The following ALDH3A1 variants were observed in gnomAD, a reference collection of about 807,000 sequenced individuals.
ALDH3A1 encodes the protein aldehyde dehydrogenase, dimeric NADP-preferring.
Under a neutral mutation model 49.9 loss-of-function variants are expected in ALDH3A1, and 46 were observed. That is an observed-to-expected ratio of 0.92 (90% confidence interval 0.73 to 1.18). The LOEUF (loss-of-function observed/expected upper bound fraction) is 1.18. Ranked by LOEUF, ALDH3A1 falls within the 50% of genes most tolerant of loss-of-function variation. ALDH3A1 has a pLI of 0.00. For missense variants in ALDH3A1, 592 were observed against 611.8 expected (o/e 0.97, Z 0.34); for synonymous variants, 269 against 253.3 (o/e 1.06, Z -0.59).
In ALDH3A1 at chr17:19,746,696, C is replaced by T. The variant is rs117167872; in HGVS notation, c.-5-1562G>A. Among the ~76,000 whole-genome samples the T allele has an allele frequency of 6.1e-3, 847 of 139,434 alleles. 26 individuals are homozygous for T. The East Asian group carries it at 0.1, about 17-fold the overall frequency. 91.5% of individuals were successfully genotyped at this position (139,434 alleles called of 152,430 possible). On this transcript the variant is annotated intron_variant, in intron 1 of 10. Coordinates refer to ENST00000225740, the MANE Select transcript of ALDH3A1 (RefSeq NM_000691.5). ...GTGTGTGCATGTGCGTGTGTGTGTG[C>T]GTGCGTGTGTGTGCATGTGCGTGTG...
chr17:19,743,959 G>A lies in ALDH3A1; in HGVS notation c.163-496C>T, dbSNP rs2086552062. On this transcript the variant is annotated intron_variant, in intron 2 of 10. Transcript: ENST00000225740. The surrounding 1 kb of genome is among the most constrained non-coding windows in gnomAD (Gnocchi z 4.4). ...AGGGCCTCCTGTGGGGAGCAGGGGTGAGAAGAGGAGATGCAGACGGCGGAA... is the reference window on the plus strand; with the variant it reads ...AGGGCCTCCTGTGGGGAGCAGGGGTAAGAAGAGGAGATGCAGACGGCGGAA... The A allele has an allele frequency of 3.0e-6, 3 of 985,234 alleles. No homozygotes were observed. The African/African-American group carries it at 5.2e-5, about 17-fold the overall frequency. 61.0% of individuals were successfully genotyped at this position (985,234 alleles called of 1,614,324 possible).
chr17:19,743,287 G>A lies in ALDH3A1; in HGVS notation c.339C>T (p.Thr113=). Residue 113 remains threonine, a synonymous_variant, in exon 3 of 11, where the codon ACC becomes ACT. Transcript: ENST00000225740. This position sits in a 1 kb window ranked among gnomAD's most constrained non-coding sequence, Gnocchi z 4.4. The part of the protein sequence containing the change: ...EPLGVVLVIG[T]WNYPFNLTIQ... Reference sequence around the variant, plus strand: ...TGGTGAGGTTGAAGGGGTAGTTCCAGGTGCCAATGACGAGGACCACGCCCA... The same window carrying A: ...TGGTGAGGTTGAAGGGGTAGTTCCAAGTGCCAATGACGAGGACCACGCCCA... 1 of 1,614,138 alleles carries A rather than the reference G, an allele frequency of 6.2e-7. No individual in the cohort carries two copies. Among genetic ancestry groups the A allele is most frequent in the Non-Finnish European group, 8.5e-7 (1 of 1,180,028 alleles).
chr17:19,740,211 G>A (rs1232972186), intron 7 of ALDH3A1, 125 bp downstream of exon 7: 2 of 1,363,836 alleles, frequency 1.5e-6, no homozygotes, highest in East Asian at 4.7e-5. Flanking sequence ...GCTCCCTGGT[G>A]AAAGCAATTT....
At chr17:19,741,853 C>A in intron 5 of ALDH3A1, 151 bp downstream of exon 5, 2 of 781,260 alleles carry the variant, frequency 2.6e-6, no homozygotes, top group Non-Finnish European at 2.1e-6. Context: ...GTCCCCACCC[C>A]TACCCCCATG....
Position 19,743,503 on chromosome 17 carries a change from C to T in ALDH3A1, c.163-40G>A. 1 of 1,550,512 alleles carries T rather than the reference C, an allele frequency of 6.4e-7. No individual in the cohort carries two copies. Among genetic ancestry groups the T allele is most frequent in the South Asian group, 1.2e-5 (1 of 80,654 alleles). On this transcript the variant is annotated intron_variant, in intron 2 of 10. Transcript: ENST00000225740. The surrounding 1 kb of genome is among the most constrained non-coding windows in gnomAD (Gnocchi z 4.4). The stretch of plus-strand genomic sequence containing the variant: ...CCGGAGTGAGCTTCCAGGGCCAGGG[C>T]CCGCCTGCAGCTGGGGCGAGTGGGG...
At chr17:19,742,897 G>A (rs1232903440) in intron 3 of ALDH3A1, 1 of 1,528,604 alleles carries the variant, frequency 6.5e-7, no homozygotes, top group Admixed American at 2.0e-5. Flanking sequence ...GCAGAAAGGG[G>A]AGAGAGGCTC....
chr17:19,741,948 G>A lies in ALDH3A1; in HGVS notation c.689+56C>T, dbSNP rs532015947. ...GACCCACAGCATGAGGTGCAGTCAT[G>A]TGTGCTTGGAAAGCAGAGTAAGGAC... On this transcript the variant is annotated intron_variant, in intron 5 of 10. Coordinates refer to ENST00000225740, the MANE Select transcript of ALDH3A1 (RefSeq NM_000691.5). The A allele has an allele frequency of 5.8e-6, 9 of 1,540,554 alleles. No individual in the cohort carries two copies. In the East Asian group the frequency reaches 1.4e-4, roughly 23 times the overall value.
intron 8 of ALDH3A1, 51 bp from the exon 9 acceptor site, chr17:19,739,146 C>A: frequency 6.5e-7 from 1 of 1,537,842 alleles, no homozygotes; most frequent in Non-Finnish European, 8.9e-7. Flanking sequence ...CAGGATGCCC[C>A]AGCCCCCAAC....
Position 19,738,464 on chromosome 17 carries a change from G to A in ALDH3A1, c.1217-11C>T, listed in dbSNP as rs371984251. On this transcript the variant is annotated splice_polypyrimidine_tract_variant and intron_variant, in intron 9 of 10. Transcript: ENST00000225740. The stretch of plus-strand genomic sequence containing the variant: ...CCATGCCGCTGTTCCCTGCGGAGGA[G>A]AAGTAAGCACAGGGCTCAGCATCCT... 2 of 1,607,154 alleles carry A rather than the reference G, an allele frequency of 1.2e-6. No homozygotes were observed. The highest frequency in any genetic ancestry group is 2.7e-5 in the African/African-American group (2 of 74,816).
chr17:19,746,436 G>A (rs2086595280), intron 1 of ALDH3A1, among the ~76,000 whole-genome samples: 1 of 152,090 alleles, frequency 6.6e-6, no homozygotes, highest in African/African-American at 2.4e-5. Context: ...GGTAAGGCAA[G>A]GTTAGTGAGA....
In ALDH3A1 at chr17:19,743,733, C is replaced by T. The variant is rs908161976; in HGVS notation, c.163-270G>A. On this transcript the variant is annotated intron_variant, in intron 2 of 10. Transcript: ENST00000225740. This position sits in a 1 kb window ranked among gnomAD's most constrained non-coding sequence, Gnocchi z 4.4. The stretch of plus-strand genomic sequence containing the variant: ...CGGTGAAGGGACCAGGCATGGGCAA[C>T]GGAATGGATCCAGGTAGGGGGAATA... The T allele has an allele frequency of 2.8e-5, 27 of 978,786 alleles. No individual in the cohort carries two copies. In the Admixed American group the frequency reaches 6.1e-4, roughly 22 times the overall value. The allele number at this position is 978,786 out of a possible 1,614,324, so 60.6% of individuals were successfully genotyped here. A position where few individuals can be genotyped will look rare whatever the true frequency, so the allele number is the denominator to read the frequency against.
At chr17:19,745,817 A>C (rs2086588373) in intron 1 of ALDH3A1, 1 of 152,262 alleles carries the variant, frequency 6.6e-6, no homozygotes, top group East Asian at 1.9e-4. Context: ...ATATGTGGCA[A>C]AAGTTTTTCA....
intron 4 of ALDH3A1, 74 bp from the exon 5 acceptor site, chr17:19,742,286 G>T (rs1313486496): frequency 6.6e-7 from 1 of 1,510,092 alleles, no homozygotes; most frequent in Non-Finnish European, 9.1e-7. Context: ...TGGGTGAGTT[G>T]CAGTGGCCAA....
rs1337403874 is a variant in ALDH3A1 at position 19,745,334 on chromosome 17, C to A, written c.-5-200G>T. 73 of 554,950 alleles carry A rather than the reference C, an allele frequency of 1.3e-4. 1 individual carries two copies. Among genetic ancestry groups the A allele is most frequent in the Non-Finnish European group, 4.5e-5 (15 of 334,448 alleles). 34.4% of individuals were successfully genotyped at this position (554,950 alleles called of 1,614,324 possible). On this transcript the variant is annotated intron_variant, in intron 1 of 10. Transcript: ENST00000225740. ...TGGGCCCTGGCTGCCTTGCTAGCCCCTGAGAAGGTGACACCCGCCGCAACC... is the reference window on the plus strand; with the variant it reads ...TGGGCCCTGGCTGCCTTGCTAGCCCATGAGAAGGTGACACCCGCCGCAACC...
At chr17:19,744,262 G>T in intron 2 of ALDH3A1, 1 of 644,836 alleles carries the variant, frequency 1.6e-6, no homozygotes, top group Non-Finnish European at 1.9e-6. Flanking sequence ...AATTAGCCGG[G>T]CATGGTGGTA....
intron 2 of ALDH3A1, 67 bp downstream of exon 2, chr17:19,744,901 G>GCC (rs370178415): frequency 0.17 from 75,254 of 431,170 alleles, 10,900 homozygotes; most frequent in East Asian, 0.24. Context: ...ACTCTCCCCA[G>GCC]CCCCTCCCCC....
At chr17:19,744,770 C>T (rs1302872356) in intron 2 of ALDH3A1, 198 bp downstream of exon 2, 2 of 1,372,552 alleles carry the variant, frequency 1.5e-6, no homozygotes, top group Non-Finnish European at 1.9e-6. Context: ...GAGGAAAAGG[C>T]CAGAGGGCGG....
At position 19,738,108 on chromosome 17, in the gene ALDH3A1, T is replaced by A. The variant is rs772824617; in HGVS notation, c.*113A>T. 4.4e-6 allele frequency: 7 copies of A among 1,596,440 alleles called. No homozygotes were observed. In the East Asian group the frequency reaches 1.6e-4, roughly 36 times the overall value. Reference sequence around the variant, plus strand: ...ACAGGTCAGCAGGTCAGCAGAGGAGTGGGGCTGGGCTGGGGCTGCAGGAGC... The same window carrying A: ...ACAGGTCAGCAGGTCAGCAGAGGAGAGGGGCTGGGCTGGGGCTGCAGGAGC... On this transcript the variant is annotated 3_prime_UTR_variant, in exon 11 of 11. Coordinates refer to ENST00000225740, the MANE Select transcript of ALDH3A1 (RefSeq NM_000691.5).
At chr17:19,746,340 C>T (rs956621488) in intron 1 of ALDH3A1, among the ~76,000 whole-genome samples, 3 of 151,980 alleles carry the variant, frequency 2.0e-5, no homozygotes, top group African/African-American at 7.3e-5. Context: ...TTGCAGTGGG[C>T]CGAGATTGGG....
Sources: allele counts gnomAD v4.1 joint callset (sites outside exome capture counted in the v4.1 genomes callset), GRCh38; gene constraint gnomAD v4.1.1; non-coding constraint Gnocchi (gnomAD v3.1); transcripts MANE v1.5; gene names NCBI Gene and HGNC (gene_info 2026-07-23, HGNC 2026-07-21).